UGT2B7: variants seen among roughly 807,000 people sequenced by gnomAD.
The protein encoded by UGT2B7 is UDP glucuronosyltransferase family 2 member B7.
UGT2B7 carries 51 observed loss-of-function variants against 51.9 expected under a neutral mutation model. That is an observed-to-expected ratio of 0.98 (90% CI 0.78 to 1.24). The LOEUF (loss-of-function observed/expected upper bound fraction) is 1.24. UGT2B7 is among the 50% of genes most tolerant of loss of function. The pLI, the probability that UGT2B7 is intolerant of heterozygous loss-of-function variation, is 0.00. For synonymous variants in UGT2B7, 225 were observed against 211.6 expected (o/e 1.06, Z -0.55); for missense variants, 727 against 628.4 (o/e 1.16, Z -1.68).
intron 3 of UGT2B7, 43 bp downstream of exon 3, chr4:69,102,981 G>A (rs1577924602): frequency 1.3e-6 from 2 of 1,585,030 alleles, no homozygotes; most frequent in Non-Finnish European, 1.7e-6. Context: ...TACTGAAAGA[G>A]GCTGTTAAAG....
chr4:69,077,132 T>G (rs1020992507), intron 1 of UGT2B7, among the ~76,000 whole-genome samples: 1 of 152,098 alleles, frequency 6.6e-6, no homozygotes, highest in Non-Finnish European at 1.5e-5. Flanking sequence ...TCTGTTCCAT[T>G]GGTCTATATA....
At chr4:69,081,568 T>C (rs1289824635) in intron 1 of UGT2B7, among the ~76,000 whole-genome samples, 1 of 152,168 alleles carries the variant, frequency 6.6e-6, no homozygotes, top group Non-Finnish European at 1.5e-5. Context: ...AATTTTTCTT[T>C]TATAATCTCT....
In UGT2B7 at chr4:69,096,669, G is replaced by C. The variant is rs771477682; in HGVS notation, c.149G>C (p.Gly50Ala). 3.1e-6 allele frequency: 5 copies of C among 1,613,882 alleles called. No homozygotes were observed. Among genetic ancestry groups the C allele is most frequent in the Non-Finnish European group, 4.2e-6 (5 of 1,179,942 alleles). Reference protein sequence around the residue: ...KTILDELIQRGHEVTVLASSA... With the variant: ...KTILDELIQRAHEVTVLASSA... ...ATCCTGGATGAGCTTATTCAGAGAG[G>C]TCATGAGGTGACTGTACTGGCATCT... Residue 50 changes from glycine (G) to alanine (A), a missense_variant, in exon 1 of 6, where the codon GGT (glycine) becomes GCT (alanine). Coordinates refer to ENST00000305231, the MANE Select transcript of UGT2B7 (RefSeq NM_001074.4).
At chr4:69,103,868 G>A (rs1480272989) in intron 3 of UGT2B7, among the ~76,000 whole-genome samples, 4 of 152,032 alleles carry the variant, frequency 2.6e-5, no homozygotes, top group African/African-American at 9.7e-5. Flanking sequence ...GTAGTTATGC[G>A]GTATATTCTC....
chr4:69,067,154 G>C (rs533209198), intron 1 of UGT2B7, among the ~76,000 whole-genome samples: 2 of 152,266 alleles, frequency 1.3e-5, no homozygotes, highest in South Asian at 4.1e-4. Context: ...TTGTCCACAT[G>C]ACAATATTGT....
chr4:69,093,077 G>A (rs576847333), upstream of UGT2B7, among the ~76,000 whole-genome samples: 1 of 152,068 alleles, frequency 6.6e-6, no homozygotes, highest in South Asian at 2.1e-4. Flanking sequence ...AAACAGCAAA[G>A]ATGGCGGCCC....
intron 1 of UGT2B7, among the ~76,000 whole-genome samples, chr4:69,052,554 AG>A (rs1339414189): frequency 1.3e-5 from 2 of 150,608 alleles, no homozygotes; most frequent in African/African-American, 2.4e-5. Flanking sequence ...TTAAAAAAAA[AG>A]AAATGGTTAT....
upstream of UGT2B7, among the ~76,000 whole-genome samples, chr4:69,091,773 C>A (rs1478839599): frequency 6.6e-6 from 1 of 152,104 alleles, no homozygotes; most frequent in Non-Finnish European, 1.5e-5. Context: ...AAAAACATTC[C>A]AGATAAACTC....
intron 1 of UGT2B7, among the ~76,000 whole-genome samples, chr4:69,068,473 G>T (rs1276099151): frequency 6.6e-6 from 1 of 151,934 alleles, no homozygotes; most frequent in Non-Finnish European, 1.5e-5. Context: ...GAAATATGTA[G>T]TTTAAAAATT....
At chr4:69,069,160 A>G (rs1718544378) in intron 1 of UGT2B7, among the ~76,000 whole-genome samples, 1 of 151,560 alleles carries the variant, frequency 6.6e-6, no homozygotes, top group South Asian at 2.1e-4. Flanking sequence ...AAGGCCATCC[A>G]CTTTCATACT....
intron 1 of UGT2B7, among the ~76,000 whole-genome samples, chr4:69,078,134 C>T (rs1046838864): frequency 5.9e-5 from 9 of 151,866 alleles, no homozygotes; most frequent in African/African-American, 1.9e-4. Context: ...AGTCTTGCAT[C>T]ACAAATATGA....
chr4:69,103,972 G>A (rs902092696), intron 3 of UGT2B7, among the ~76,000 whole-genome samples: 4 of 152,092 alleles, frequency 2.6e-5, no homozygotes, highest in Non-Finnish European at 4.4e-5. Flanking sequence ...TAAGGAGAAT[G>A]AATTCCAATC....
rs557443506 is a variant in UGT2B7 at position 69,105,774 on chromosome 4, A to G, written c.1003-1401A>G. Among the ~76,000 whole-genome samples, 37 of 152,322 alleles carry G rather than the reference A, an allele frequency of 2.4e-4. 1 individual carries two copies. Among genetic ancestry groups the G allele is most frequent in the African/African-American group, 8.4e-4 (35 of 41,584 alleles). On this transcript the variant is annotated intron_variant, in intron 3 of 5. Coordinates refer to ENST00000305231, the MANE Select transcript of UGT2B7 (RefSeq NM_001074.4). ...TAATTTATAATTCCAATGAAGTTAT[A>G]CATAAAACCTTTGCAGCATTAATCT... is the stretch of plus-strand genomic sequence containing the variant.
At chr4:69,107,144 A>T (rs757616884) in intron 3 of UGT2B7, 31 bp from the exon 4 acceptor site, 1 of 1,591,444 alleles carries the variant, frequency 6.3e-7, no homozygotes. Context: ...AATTCCACTC[A>T]TGGAATAAAA....
chr4:69,112,618 T>C lies in UGT2B7; in HGVS notation c.1472T>C (p.Leu491Ser). The C allele has an allele frequency of 6.2e-7, 1 of 1,613,930 alleles. No homozygotes were observed. The highest frequency in any genetic ancestry group is 8.5e-7 in the Non-Finnish European group (1 of 1,179,850). Residue 491 changes from leucine (L) to serine (S), a missense_variant, in exon 6 of 6, where the codon TTG (leucine) becomes TCG (serine). Coordinates refer to ENST00000305231, the MANE Select transcript of UGT2B7 (RefSeq NM_001074.4). ...CTCACCTGGTTCCAGTACCACTCTT[T>C]GGATGTGATTGGGTTCCTGCTGGTC... is the stretch of plus-strand genomic sequence containing the variant. ...HDLTWFQYHS[L>S]DVIGFLLVCV... is the part of the protein sequence containing the mutation.
intron 1 of UGT2B7, among the ~76,000 whole-genome samples, chr4:69,068,044 C>T (rs887267119): frequency 6.6e-6 from 1 of 151,928 alleles, no homozygotes; most frequent in African/African-American, 2.4e-5. Flanking sequence ...TGAAGGTATA[C>T]AAAGTGATAT....
At chr4:69,053,483 C>T (rs1718094268) in intron 1 of UGT2B7, among the ~76,000 whole-genome samples, 1 of 152,220 alleles carries the variant, frequency 6.6e-6, no homozygotes, top group Non-Finnish European at 1.5e-5. Flanking sequence ...ACATGGCAGG[C>T]CAGAGGCCCT....
At chr4:69,098,322 T>C (rs1719306957) in intron 1 of UGT2B7, among the ~76,000 whole-genome samples, 1 of 152,050 alleles carries the variant, frequency 6.6e-6, no homozygotes, top group Non-Finnish European at 1.5e-5. Context: ...TAGCTTAACC[T>C]CACAATTCTC....
intron 5 of UGT2B7, among the ~76,000 whole-genome samples, chr4:69,112,133 T>C (rs1277329592): frequency 6.6e-6 from 1 of 152,226 alleles, no homozygotes; most frequent in Non-Finnish European, 1.5e-5. Context: ...CCAGTTATGT[T>C]ATCTATAGAT....
Sources: gnomAD v4.1 joint callset for allele counts (sites outside exome capture counted in the v4.1 genomes callset) on GRCh38, gnomAD v4.1.1 for gene constraint, MANE v1.5 for transcripts, NCBI Gene and HGNC (gene_info 2026-07-23, HGNC 2026-07-21) for gene names.